The following WRAP73 variants were observed in gnomAD, a reference collection of about 807,000 sequenced individuals.
The protein encoded by WRAP73 is WD repeat containing, antisense to TP73, also known as WD repeat-containing protein WRAP73.
Under a neutral mutation model 59.6 loss-of-function variants are expected in WRAP73, and 55 were observed. The observed-to-expected ratio is 0.92, with a 90% CI of 0.74 to 1.15. The LOEUF is 1.15. WRAP73 is among the 50% of genes most tolerant of loss of function. WRAP73 has a pLI of 0.00. For synonymous variants in WRAP73, 265 were observed against 258.2 expected (o/e 1.03, Z -0.25); for missense variants, 592 against 608.1 (o/e 0.97, Z 0.28).
chr1:3,631,883 GTATTTT>G (rs1644538285), intron 10 of WRAP73: 1 of 1,269,934 alleles, frequency 7.9e-7, no homozygotes, highest in East Asian at 3.2e-5. Flanking sequence ...TCTTTCTTTG[GTATTTT>G]TTTTTTTTTT....
chr1:3,638,834 A>T lies in WRAP73; in HGVS notation c.340-12T>A, dbSNP rs1414631704. ...ACGGTTATCCGCAGCTGTTGGGGGA[A>T]AGGGGAAAGAGAAAGGAAACACTTC... On this transcript the variant is annotated splice_polypyrimidine_tract_variant and intron_variant, in intron 3 of 11. Transcript: ENST00000270708. 3.1e-6 allele frequency: 5 copies of T among 1,613,668 alleles called. No homozygotes were observed. In the African/African-American group the frequency reaches 6.7e-5, roughly 22 times the overall value.
Position 3,630,949 on chromosome 1 carries a change from T to C in WRAP73, c.*26A>G. The stretch of plus-strand genomic sequence containing the variant: ...ACACTGGAAACACAGAGTAGCCCTG[T>C]TTCTGCACACGTTAGTGCACCGCTG... On this transcript the variant is annotated 3_prime_UTR_variant, in exon 12 of 12. Coordinates refer to ENST00000270708, the MANE Select transcript of WRAP73 (RefSeq NM_017818.4). 6.2e-7 allele frequency: 1 copy of C among 1,604,866 alleles called. No homozygotes were observed. The highest frequency in any genetic ancestry group is 8.5e-7 in the Non-Finnish European group (1 of 1,174,310).
chr1:3,645,347 G>A (rs1363016193), intron 3 of WRAP73, among the ~76,000 whole-genome samples: 1 of 101,130 alleles, frequency 9.9e-6, no homozygotes, highest in African/African-American at 3.0e-5. Context: ...TGTGAGCGGC[G>A]CAGCGGGATG....
At chr1:3,636,747 G>A (rs1460416692) in intron 5 of WRAP73, 6 of 545,160 alleles carry the variant, frequency 1.1e-5, no homozygotes, top group Non-Finnish European at 2.1e-5. Context: ...ACAGGACAAG[G>A]AAAAGGGCTC....
rs548548879 is a variant in WRAP73, at chr1:3,650,064, A to G, written c.-65T>C. ...CCCGCGGGACCCCTGGGCGCGCAGC[A>G]GGCTGCAACAGCCGACGCCGGCCTC... On this transcript the variant is annotated 5_prime_UTR_variant, in exon 1 of 12. Transcript: ENST00000270708. The G allele has an allele frequency of 5.1e-4, 223 of 440,498 alleles. No individual in the cohort carries two copies. The highest frequency in any genetic ancestry group is 3.5e-3 in the African/African-American group (170 of 47,938). 27.3% of individuals were successfully genotyped at this position (440,498 alleles called of 1,614,324 possible).
Position 3,632,221 on chromosome 1 carries a change from G to T in WRAP73, c.1040C>A (p.Thr347Lys). Residue 347 changes from threonine (T) to lysine (K), a missense_variant, in exon 10 of 12, where the codon ACA becomes AAA. Physicochemically the swap from Thr to Lys is moderately conservative, Grantham distance 78. Coordinates refer to ENST00000270708, the MANE Select transcript of WRAP73 (RefSeq NM_017818.4). ...GCGTCAGCACAACTGACCGTTCCTT[G>T]TCGCCAGGAAGTAGCTGTCAGGACT... ...AFSPDSYFLA[T>K]RNDNIPNAVW... 1 of 1,613,546 alleles carries T rather than the reference G, an allele frequency of 6.2e-7. No individual in the cohort carries two copies. Among genetic ancestry groups the T allele is most frequent in the Non-Finnish European group, 8.5e-7 (1 of 1,179,630 alleles).
Position 3,640,710 on chromosome 1 carries a change from G to A in WRAP73, c.340-1888C>T, listed in dbSNP as rs72857306. ...CATCAGCAGGGCAGGGTGCAGCAAC[G>A]GAGCATCTCAGCATCAGCAGGGCGG... On this transcript the variant is annotated intron_variant, in intron 3 of 11. Transcript: ENST00000270708. Among the ~76,000 whole-genome samples the A allele has an allele frequency of 6.4e-5, 8 of 124,306 alleles. No individual in the cohort carries two copies. In the South Asian group the frequency reaches 1.4e-3, roughly 22 times the overall value. The allele number at this position is 124,306 out of a possible 152,430, so 81.5% of individuals were successfully genotyped here. A position where few individuals can be genotyped will look rare whatever the true frequency, so the allele number is the denominator to read the frequency against.
In WRAP73 at chr1:3,646,791, A is replaced by G. The variant is rs762981965; in HGVS notation, c.223-9T>C. The G allele has an allele frequency of 6.2e-7, 1 of 1,607,758 alleles. No homozygotes were observed. Among genetic ancestry groups the G allele is most frequent in the Non-Finnish European group, 8.5e-7 (1 of 1,177,106 alleles). On this transcript the variant is annotated splice_polypyrimidine_tract_variant and intron_variant, in intron 2 of 11. Transcript: ENST00000270708. The surrounding 1 kb of genome is among the most constrained non-coding windows in gnomAD (Gnocchi z 5.1). ...TGCTCTAAAGACCAGACCTGGATTG[A>G]GAGAAGAAAGAAACACACAAGTGCA... is the stretch of plus-strand genomic sequence containing the variant.
intron 3 of WRAP73, among the ~76,000 whole-genome samples, chr1:3,644,819 G>A (rs1452662234): frequency 6.6e-6 from 1 of 152,204 alleles, no homozygotes; most frequent in East Asian, 1.9e-4. Context: ...CATCTTTTAA[G>A]GTTTCTAAAC....
intron 4 of WRAP73, among the ~76,000 whole-genome samples, chr1:3,638,242 G>A (rs1313945069): frequency 2.6e-5 from 4 of 152,210 alleles, no homozygotes; most frequent in African/African-American, 7.2e-5. Flanking sequence ...GCCACCCTGC[G>A]CCGGCCCCCT....
intron 8 of WRAP73, chr1:3,634,705 C>A (rs1334791933): frequency 2.2e-6 from 1 of 445,002 alleles, no homozygotes; most frequent in Non-Finnish European, 4.2e-6. Context: ...CCACTCTGTA[C>A]AGCACAGGGA....
chr1:3,638,854 C>T (rs982278991), intron 3 of WRAP73, 32 bp from the exon 4 acceptor site: 2 of 1,611,924 alleles, frequency 1.2e-6, no homozygotes, highest in African/African-American at 2.7e-5. Context: ...AGAAAGGAAA[C>T]ACTTCTTTAG....
At chr1:3,632,552 C>T (rs1644546889) in intron 9 of WRAP73, 1 of 676,742 alleles carries the variant, frequency 1.5e-6, no homozygotes, top group East Asian at 3.0e-5. Flanking sequence ...GTGGCACCAT[C>T]ACCTGCCAGG....
Position 3,637,010 on chromosome 1 carries a change from A to G in WRAP73, c.501T>C (p.Asp167=), listed in dbSNP as rs1331705661. The G allele has an allele frequency of 2.8e-5, 45 of 1,613,634 alleles. No individual in the cohort carries two copies. The highest frequency in any genetic ancestry group is 3.8e-5 in the Non-Finnish European group (45 of 1,179,996). Residue 167 remains aspartate (D), a synonymous_variant, in exon 5 of 12, where the codon GAT becomes GAC. Transcript: ENST00000270708. ...KDYVSIFVCS[D]WQLLRHFDTD... ...GACGCCTTACCCGCAGGAGCTGCCA[A>G]TCACTGCAGACGAAGATGCTCACGT...
intron 5 of WRAP73, 21 bp downstream of exon 5, chr1:3,636,974 C>T: frequency 6.2e-7 from 1 of 1,611,566 alleles, no homozygotes; most frequent in East Asian, 2.2e-5. Flanking sequence ...CAACTTTATT[C>T]CAGTCTGGGG....
rs1387235513 is a variant in WRAP73, at chr1:3,631,626, G to A, written c.1080C>T (p.Asp360=). The A allele has an allele frequency of 6.2e-7, 1 of 1,601,122 alleles. No individual in the cohort carries two copies. The highest frequency in any genetic ancestry group is 1.7e-5 in the Admixed American group (1 of 59,910). Residue 360 remains aspartate (D), a synonymous_variant, in exon 11 of 12, where the codon GAC becomes GAT. Transcript: ENST00000270708. ...CCGCGAACAGCCTCAGCTTCTGAATGTCCCAGACCCAGACGGCATTGGGAA... is the reference window on the plus strand; with the variant it reads ...CCGCGAACAGCCTCAGCTTCTGAATATCCCAGACCCAGACGGCATTGGGAA... ...DNIPNAVWVW[D]IQKLRLFAVL...
chr1:3,641,989 GCCTGTGCCA>G (rs766898114), intron 3 of WRAP73, among the ~76,000 whole-genome samples: 6 of 152,224 alleles, frequency 3.9e-5, no homozygotes, highest in African/African-American at 7.2e-5. Flanking sequence ...ACAACAAAAG[GCCTGTGCCA>G]CCGCGGAATC....
At chr1:3,638,895 C>T (rs1384390639) in intron 3 of WRAP73, 73 bp from the exon 4 acceptor site, 5 of 1,553,330 alleles carry the variant, frequency 3.2e-6, no homozygotes, top group Non-Finnish European at 3.5e-6. Flanking sequence ...ATCCTCAACC[C>T]GCCCACGCGT....
In WRAP73 at chr1:3,647,593, T is replaced by C. The variant is rs777905687; in HGVS notation, c.70-33A>G. 9.4e-6 allele frequency: 15 copies of C among 1,602,440 alleles called. No homozygotes were observed. The South Asian group carries it at 1.2e-4, about 13-fold the overall frequency. On this transcript the variant is annotated intron_variant, in intron 1 of 11. Transcript: ENST00000270708. ...ATATGAGAAAGCAAGCACCTGACAT[T>C]CTCCACTCCAAAAGAGGGGGGCCTT... is the stretch of plus-strand genomic sequence containing the variant.
Sources: allele counts gnomAD v4.1 joint callset (sites outside exome capture counted in the v4.1 genomes callset), GRCh38; gene constraint gnomAD v4.1.1; non-coding constraint Gnocchi (gnomAD v3.1); transcripts MANE v1.5; gene names NCBI Gene and HGNC (gene_info 2026-07-23, HGNC 2026-07-21).